NTM: variants seen among roughly 807,000 people sequenced by gnomAD.
NTM encodes the protein IgLON family member 2.
NTM carries 13 observed loss-of-function variants against 42.1 expected under a neutral mutation model. The observed-to-expected ratio is 0.31, with a 90% CI of 0.20 to 0.49. NTM has a LOEUF of 0.49. NTM is among the 20% of genes least tolerant of loss of function. NTM has a pLI of 0.99. For synonymous variants in NTM, 187 were observed against 179.2 expected, an observed-to-expected ratio of 1.04 and a Z score of -0.35; for missense variants, 373 against 452.8, an observed-to-expected ratio of 0.82 and a Z score of 1.60.
chr11:132,101,819 T>C (rs950007440), intron 2 of NTM, among the ~76,000 whole-genome samples: 1 of 152,160 alleles, frequency 6.6e-6, no homozygotes, highest in Non-Finnish European at 1.5e-5. Flanking sequence ...CTCACCTAAC[T>C]CCAACCTTGC....
intron 1 of NTM, among the ~76,000 whole-genome samples, chr11:131,644,329 ACTT>A (rs1459349311): frequency 6.6e-6 from 1 of 152,132 alleles, no homozygotes; most frequent in Non-Finnish European, 1.5e-5. Context: ...TCATACCTGA[ACTT>A]CTCGCTCCAG....
At chr11:132,211,957 C>G in intron 3 of NTM, 65 bp from the exon 4 acceptor site, 2 of 1,543,088 alleles carry the variant, frequency 1.3e-6, no homozygotes, top group Non-Finnish European at 8.8e-7. Flanking sequence ...TGCCAACTAC[C>G]ATGTTAAGAC....
chr11:131,480,800 T>C (rs1002994062), intron 1 of NTM, among the ~76,000 whole-genome samples: 1 of 140,366 alleles, frequency 7.1e-6, no homozygotes, highest in Non-Finnish European at 1.5e-5. Context: ...GTGGTGGGGG[T>C]GGGGGAAACT....
At chr11:131,789,609 A>AG (rs2090402322) in intron 1 of NTM, among the ~76,000 whole-genome samples, 1 of 85,822 alleles carries the variant, frequency 1.2e-5, no homozygotes, top group Non-Finnish European at 2.3e-5. Flanking sequence ...AAGAAGAAGA[A>AG]GAAGAAGAAG....
chr11:132,145,513 A>AG (rs1164241827), intron 2 of NTM, among the ~76,000 whole-genome samples: 1 of 152,218 alleles, frequency 6.6e-6, no homozygotes, highest in African/African-American at 2.4e-5. Context: ...TGGGAAATTT[A>AG]AAAGTGTAGA....
chr11:131,549,675 A>T (rs1462928086), intron 1 of NTM, among the ~76,000 whole-genome samples: 2 of 152,222 alleles, frequency 1.3e-5, no homozygotes, highest in Admixed American at 6.5e-5. Context: ...CCATGTGTTC[A>T]GGTGTCTTCG....
At chr11:131,996,782 C>A (rs77292184) in intron 2 of NTM, among the ~76,000 whole-genome samples, 2,490 of 152,234 alleles carry the variant, frequency 0.016, 72 homozygotes, top group African/African-American at 0.057. Context: ...TGCCAGCCCC[C>A]TCTGAGGCAC....
At chr11:131,635,487 T>C (rs562544097) in intron 1 of NTM, among the ~76,000 whole-genome samples, 255 of 152,208 alleles carry the variant, frequency 1.7e-3, no homozygotes, top group African/African-American at 5.9e-3. Context: ...AATAAGGATA[T>C]AAAGAAAGAT....
At chr11:131,404,319 T>A (rs1404399479) in intron 1 of NTM, among the ~76,000 whole-genome samples, 1 of 152,202 alleles carries the variant, frequency 6.6e-6, no homozygotes, top group Non-Finnish European at 1.5e-5. Flanking sequence ...TCAGCAGCGC[T>A]TGACATAGAT....
chr11:131,696,380 C>T lies in NTM; in HGVS notation c.83-215184C>T, dbSNP rs148621802. 2.4e-3 allele frequency among the ~76,000 whole-genome samples: 363 copies of T among 152,254 alleles called. 1 individual carries two copies. The highest frequency in any genetic ancestry group is 8.1e-3 in the African/African-American group (336 of 41,534). ...GGTTGTCTGGGAGACATGAGTTACA[C>T]CAGCACCCAGCACCATTACTTACTA... is the stretch of plus-strand genomic sequence containing the variant. On this transcript the variant is annotated intron_variant, in intron 1 of 8. Transcript: ENST00000683400.
At chr11:132,190,564 C>T (rs184608885) in intron 3 of NTM, among the ~76,000 whole-genome samples, 2 of 151,992 alleles carry the variant, frequency 1.3e-5, no homozygotes, top group East Asian at 1.9e-4. Context: ...GATGAAACCC[C>T]GTCTCTACTA....
chr11:132,065,200 A>G (rs2081259219), intron 2 of NTM, among the ~76,000 whole-genome samples: 1 of 152,192 alleles, frequency 6.6e-6, no homozygotes, highest in African/African-American at 2.4e-5. Flanking sequence ...ACATTTCATG[A>G]CCAGCTCTCT....
rs115929774 is a variant in NTM, at chr11:132,273,196, A to G, written c.527-34493A>G. The stretch of plus-strand genomic sequence containing the variant: ...TTGTACCTTATTCTGTTGAAATGGT[A>G]TATTATATTAATCAATTTCTGGATG... On this transcript the variant is annotated intron_variant, in intron 4 of 8. Coordinates refer to ENST00000683400, the MANE Select transcript of NTM (RefSeq NM_001352005.2). 6.2e-3 allele frequency among the ~76,000 whole-genome samples: 937 copies of G among 150,280 alleles called. 15 individuals are homozygous for G. The highest frequency in any genetic ancestry group is 0.022 in the African/African-American group (909 of 40,752).
chr11:132,211,889 C>T (rs962462644), intron 3 of NTM, 133 bp from the exon 4 acceptor site: 9 of 749,658 alleles, frequency 1.2e-5, no homozygotes, highest in African/African-American at 1.1e-4. Flanking sequence ...AAGGTAATTC[C>T]TCTAATTTCT....
In NTM at chr11:131,927,657, G is replaced by A. The variant is rs1034640914; in HGVS notation, c.167+16009G>A. ...AATACTATTCACAACATGGGGTTCC[G>A]TACTTACTAACAGGAAGAAGGAAAG... On this transcript the variant is annotated intron_variant, in intron 2 of 8. Transcript: ENST00000683400. 7.2e-5 allele frequency among the ~76,000 whole-genome samples: 11 copies of A among 152,140 alleles called. 1 individual carries two copies. The highest frequency in any genetic ancestry group is 1.0e-4 in the Non-Finnish European group (7 of 68,028).
chr11:132,263,945 A>C (rs547693941), intron 4 of NTM, among the ~76,000 whole-genome samples: 6 of 152,240 alleles, frequency 3.9e-5, no homozygotes, highest in Admixed American at 6.5e-5. Flanking sequence ...AGAAGATGGA[A>C]GCTTTCTCTC....
intron 1 of NTM, among the ~76,000 whole-genome samples, chr11:131,636,917 T>C (rs934224548): frequency 3.3e-5 from 5 of 152,174 alleles, no homozygotes; most frequent in East Asian, 1.9e-4. Context: ...CAGTGGACTT[T>C]AGTGTTGCTT....
chr11:131,562,276 C>G (rs1488416383), intron 1 of NTM, among the ~76,000 whole-genome samples: 1 of 151,932 alleles, frequency 6.6e-6, no homozygotes, highest in African/African-American at 2.4e-5. Context: ...AGTCTCTGGG[C>G]GATTCATCTT....
chr11:131,623,344 T>G (rs1020374738), intron 1 of NTM, among the ~76,000 whole-genome samples: 22 of 152,220 alleles, frequency 1.4e-4, no homozygotes, highest in Admixed American at 1.4e-3. Flanking sequence ...TGAGAAAGAT[T>G]TGCACCCAGT....
Sources: allele counts gnomAD v4.1 joint callset (sites outside exome capture counted in the v4.1 genomes callset), GRCh38; gene constraint gnomAD v4.1.1; transcripts MANE v1.5; gene names NCBI Gene and HGNC (gene_info 2026-07-23, HGNC 2026-07-21).